Variants in CDH23 observed in about 807,000 individuals in gnomAD.
CDH23 encodes cadherin-23.
CDH23 carries 189 observed loss-of-function variants against 317.1 expected under a neutral mutation model. That is an observed-to-expected ratio of 0.60 (90% CI 0.53 to 0.67). The LOEUF (loss-of-function observed/expected upper bound fraction) is 0.67, where lower values mean the gene tolerates loss of function less well. Ranked by LOEUF, CDH23 falls within the 30% of genes least tolerant of loss-of-function variation. CDH23 has a pLI of 0.00. For synonymous variants in CDH23, 1,839 were observed against 1,876.8 expected (o/e 0.98, Z 0.52); for missense variants, 4,401 against 4,592.4 (o/e 0.96, Z 1.20).
At chr10:71,788,570 C>T (rs1299815150) in intron 44 of CDH23, among the ~76,000 whole-genome samples, 1 of 152,166 alleles carries the variant, frequency 6.6e-6, no homozygotes, top group African/African-American at 2.4e-5. Flanking sequence ...ATTCTCCTGC[C>T]TCAGCCTCCC....
chr10:71,729,796 A>G (rs1839297502), intron 30 of CDH23, among the ~76,000 whole-genome samples: 1 of 151,966 alleles, frequency 6.6e-6, no homozygotes, highest in Non-Finnish European at 1.5e-5. Context: ...TCTTCATAAC[A>G]ACCTTAGGAG....
intron 24 of CDH23, among the ~76,000 whole-genome samples, chr10:71,704,048 C>A (rs1236622788): frequency 1.3e-5 from 2 of 152,240 alleles, no homozygotes; most frequent in East Asian, 3.9e-4. Context: ...TGGAGAAGAG[C>A]GTTCTCCAGG....
At chr10:71,462,579 C>T (rs929608138) in intron 3 of CDH23, among the ~76,000 whole-genome samples, 35 of 152,382 alleles carry the variant, frequency 2.3e-4, no homozygotes, top group African/African-American at 7.0e-4. Context: ...TCTGCCCTAA[C>T]GCATGCAGAG....
intron 1 of CDH23, among the ~76,000 whole-genome samples, chr10:71,433,445 G>T (rs1248698954): frequency 6.6e-6 from 1 of 152,128 alleles, no homozygotes; most frequent in Non-Finnish European, 1.5e-5. Context: ...CTGATTCTCT[G>T]TCCAGTTGCC....
At chr10:71,447,306 CTCTT>C (rs1402590650) in intron 3 of CDH23, among the ~76,000 whole-genome samples, 4 of 152,158 alleles carry the variant, frequency 2.6e-5, no homozygotes, top group Admixed American at 2.6e-4. Flanking sequence ...CATGTACACA[CTCTT>C]TCATATGAAA....
chr10:71,727,442 G>A (rs1465526077), intron 30 of CDH23, among the ~76,000 whole-genome samples: 1 of 152,240 alleles, frequency 6.6e-6, no homozygotes, highest in African/African-American at 2.4e-5. Flanking sequence ...CCACACCCAT[G>A]AGACCCGGGA....
At chr10:71,485,011 C>T (rs865893541) in intron 3 of CDH23, among the ~76,000 whole-genome samples, 9 of 143,850 alleles carry the variant, frequency 6.3e-5, no homozygotes, top group African/African-American at 1.8e-4. Context: ...TCTTTCTTTT[C>T]GTTTCTTTTT....
At chr10:71,422,785 A>G (rs1288814910) in intron 1 of CDH23, among the ~76,000 whole-genome samples, 1 of 152,164 alleles carries the variant, frequency 6.6e-6, no homozygotes, top group Non-Finnish European at 1.5e-5. Context: ...TTGATCTGCC[A>G]TCAGGAAACT....
At chr10:71,794,783 C>T (rs1434412555) in intron 48 of CDH23, among the ~76,000 whole-genome samples, 1 of 152,220 alleles carries the variant, frequency 6.6e-6, no homozygotes, top group Non-Finnish European at 1.5e-5. Flanking sequence ...ATAAGGGACA[C>T]TTGTACCACC....
chr10:71,768,038 C>T (rs977092746), intron 38 of CDH23, among the ~76,000 whole-genome samples: 1 of 152,212 alleles, frequency 6.6e-6, no homozygotes, highest in African/African-American at 2.4e-5. Context: ...GCTCCCGGCT[C>T]CAGCCAGCCA....
intron 48 of CDH23, chr10:71,795,890 C>A: frequency 4.1e-6 from 4 of 986,670 alleles, no homozygotes; most frequent in Non-Finnish European, 4.8e-6. Context: ...CTCTGCCTCA[C>A]CCCATTGCCT....
At position 71,797,134 on chromosome 10, in the gene CDH23, G is replaced by C. The variant is rs769048383; in HGVS notation, c.6743G>C (p.Arg2248Pro). ...GTAATGGTGAAGTCCCCCATGAATC[G>C]GGAGCTGGTTGCCACCTATGAGGTC... is the stretch of plus-strand genomic sequence containing the variant. ...GSVMVKSPMN[R>P]ELVATYEVTL... is the part of the protein sequence containing the mutation. Residue 2248 changes from arginine to proline, a missense_variant, in exon 49 of 70, where the codon CGG (arginine) becomes CCG (proline). This residue lies in a region of CDH23 where 3,068 missense variants were observed against 3,203.3 expected (regional missense o/e 0.96). Transcript: ENST00000224721. The C allele has an allele frequency of 6.2e-7, 1 of 1,613,332 alleles. No individual in the cohort carries two copies. The highest frequency in any genetic ancestry group is 8.5e-7 in the Non-Finnish European group (1 of 1,179,550).
At chr10:71,670,344 T>A (rs935277) in intron 14 of CDH23, among the ~76,000 whole-genome samples, 68,712 of 152,132 alleles carry the variant, frequency 0.45, 16,047 homozygotes, top group East Asian at 0.61. Context: ...TGGGCAGAGA[T>A]GTTGAGCCCT....
intron 48 of CDH23, 166 bp from the exon 49 acceptor site, chr10:71,796,938 C>T: frequency 1.7e-6 from 1 of 575,320 alleles, no homozygotes; most frequent in Non-Finnish European, 3.2e-6. Flanking sequence ...CCACGTGACC[C>T]AAGCTTATGA....
intron 17 of CDH23, among the ~76,000 whole-genome samples, chr10:71,681,467 G>T (rs1864646974): frequency 6.6e-6 from 1 of 152,160 alleles, no homozygotes; most frequent in Non-Finnish European, 1.5e-5. Flanking sequence ...TCTCAGCCTG[G>T]GTCTGCCTTT....
At chr10:71,806,579 ATTTT>A (rs11323009) in intron 57 of CDH23, among the ~76,000 whole-genome samples, 5 of 130,602 alleles carry the variant, frequency 3.8e-5, no homozygotes, top group African/African-American at 8.5e-5. Flanking sequence ...ATCAGCTCTG[ATTTT>A]TTTTTTTTTT....
At chr10:71,617,734 C>T (rs1861268522) in intron 11 of CDH23, 1 of 195,650 alleles carries the variant, frequency 5.1e-6, no homozygotes, top group South Asian at 1.8e-4. Context: ...GGTGCAGTGG[C>T]TCACATCTGT....
At chr10:71,747,570 C>T (rs530877241) in intron 38 of CDH23, 1 of 152,400 alleles carries the variant, frequency 6.6e-6, no homozygotes, top group South Asian at 2.1e-4. Context: ...GTCGTAGTTC[C>T]ACCGTTTACT....
Position 71,719,371 on chromosome 10 carries a change from A to G in CDH23, c.3370-4674A>G, listed in dbSNP as rs1418668133. Among the ~76,000 whole-genome samples the G allele has an allele frequency of 5.3e-5, 8 of 152,176 alleles. No homozygotes were observed. In the East Asian group the frequency reaches 1.5e-3, roughly 29 times the overall value. ...TGCACCAGCGGGCCCTGCTCTGGAC[A>G]TATCTCTGCAAGCTCAGTCTAGGAC... On this transcript the variant is annotated intron_variant, in intron 28 of 69. Transcript: ENST00000224721.
Sources: gnomAD v4.1 joint callset for allele counts (sites outside exome capture counted in the v4.1 genomes callset) on GRCh38, gnomAD v4.1.1 for gene constraint, gnomAD v4.1.1 regional missense constraint, MANE v1.5 for transcripts, NCBI Gene and HGNC (gene_info 2026-07-23, HGNC 2026-07-21) for gene names.